Variants in PVT1 observed in about 807,000 individuals in gnomAD.
The protein encoded by PVT1 is CXCR4/PVT1 fusion.
intron 4 of PVT1, among the ~76,000 whole-genome samples, chr8:128,030,192 A>G (rs1245106608): frequency 6.6e-6 from 1 of 152,188 alleles, no homozygotes; most frequent in Admixed American, 6.5e-5. Flanking sequence ...ATGTATGCAT[A>G]CCCCTACACA....
intron 2 of PVT1, among the ~76,000 whole-genome samples, chr8:127,823,104 A>G (rs1281499351): frequency 6.6e-6 from 1 of 152,226 alleles, no homozygotes. Flanking sequence ...AAGTCTTTAT[A>G]TTGAAAGTGG....
chr8:127,949,581 T>C (rs1033140175), intron 3 of PVT1, among the ~76,000 whole-genome samples: 1 of 151,856 alleles, frequency 6.6e-6, no homozygotes, highest in African/African-American at 2.4e-5. Flanking sequence ...TAATTGACTT[T>C]GGCTCCTGTC....
chr8:127,829,020 G>A (rs959932236), intron 2 of PVT1, among the ~76,000 whole-genome samples: 26 of 152,128 alleles, frequency 1.7e-4, no homozygotes, highest in Admixed American at 2.6e-4. Flanking sequence ...TGAGCCTGGC[G>A]CGGTGGCTCA....
chr8:127,847,956 T>C lies in PVT1; in HGVS notation n.373-42633T>C, dbSNP rs57119442. ...TTTCACTCTGTGGCCCAGGCTGGAG[T>C]GCAGTGGTGTGATCATAGCTTGCTG... On this transcript the variant is annotated intron_variant and non_coding_transcript_variant, in intron 2 of 10. Transcript: ENST00000651587. Among the ~76,000 whole-genome samples, 1,067 of 151,980 alleles carry C rather than the reference T, an allele frequency of 7.0e-3. 13 individuals are homozygous for C. Among genetic ancestry groups the C allele is most frequent in the African/African-American group, 0.025 (1,017 of 41,428 alleles).
chr8:127,999,185 A>G (rs1285828527), intron 4 of PVT1: 1 of 152,156 alleles, frequency 6.6e-6, no homozygotes, highest in African/African-American at 2.4e-5. Flanking sequence ...CCCCAGGGTG[A>G]GGCTTATCCA....
At chr8:127,910,874 C>T (rs2129844736) in intron 3 of PVT1, among the ~76,000 whole-genome samples, 1 of 148,370 alleles carries the variant, frequency 6.7e-6, no homozygotes, top group South Asian at 2.1e-4. Flanking sequence ...TTATATCAGT[C>T]TGCTGTGTGT....
intron 4 of PVT1, among the ~76,000 whole-genome samples, chr8:128,028,404 T>C (rs957208401): frequency 1.3e-5 from 2 of 152,204 alleles, no homozygotes; most frequent in African/African-American, 4.8e-5. Context: ...CTGTTCTCCA[T>C]AGTGAAGCCC....
chr8:127,880,157 C>G (rs1240575082), intron 2 of PVT1, among the ~76,000 whole-genome samples: 5 of 149,924 alleles, frequency 3.3e-5, no homozygotes, highest in African/African-American at 1.0e-4. Context: ...AATCTTAGTA[C>G]AGCCTGAAAG....
At chr8:127,859,642 C>T (rs1007132669) in intron 2 of PVT1, among the ~76,000 whole-genome samples, 1 of 152,108 alleles carries the variant, frequency 6.6e-6, no homozygotes, top group African/African-American at 2.4e-5. Context: ...GGAATCCCGT[C>T]ATGGCTTCTG....
chr8:127,897,894 AG>A (rs1815705275), intron 3 of PVT1, among the ~76,000 whole-genome samples: 2 of 150,662 alleles, frequency 1.3e-5, no homozygotes, highest in Non-Finnish European at 3.0e-5. Context: ...AAAGAAAGAA[AG>A]AAAGAAAAAA....
intron 6 of PVT1, among the ~76,000 whole-genome samples, chr8:128,098,470 A>C (rs1156580869): frequency 1.3e-5 from 2 of 152,150 alleles, no homozygotes; most frequent in African/African-American, 4.8e-5. Context: ...CAGGGCTAAG[A>C]CTAAACCTCA....
intron 4 of PVT1, among the ~76,000 whole-genome samples, chr8:128,029,221 C>G (rs1034185006): frequency 2.0e-5 from 3 of 152,106 alleles, no homozygotes; most frequent in Admixed American, 6.5e-5. Flanking sequence ...TTCCCAAGCT[C>G]AAGCAATCCT....
chr8:128,079,384 C>T (rs576801944), intron 5 of PVT1, among the ~76,000 whole-genome samples: 1 of 152,262 alleles, frequency 6.6e-6, no homozygotes, highest in Admixed American at 6.5e-5. Context: ...CCTCTTCTCC[C>T]GTCATATCCC....
intron 2 of PVT1, among the ~76,000 whole-genome samples, chr8:127,837,675 A>G (rs1814924509): frequency 6.6e-6 from 1 of 152,120 alleles, no homozygotes; most frequent in Non-Finnish European, 1.5e-5. Flanking sequence ...TTAGTTACAA[A>G]GTGACCCTAT....
intron 2 of PVT1, among the ~76,000 whole-genome samples, chr8:127,815,089 C>T (rs528364947): frequency 6.6e-5 from 10 of 152,262 alleles, no homozygotes; most frequent in African/African-American, 2.4e-4. Flanking sequence ...CCTCAGCCTC[C>T]CTAGTAGCTG....
intron 2 of PVT1, among the ~76,000 whole-genome samples, chr8:127,831,644 T>A (rs1432453889): frequency 6.6e-6 from 1 of 152,024 alleles, no homozygotes; most frequent in African/African-American, 2.4e-5. Flanking sequence ...AAAAGGTGAT[T>A]ACAAGGAGCC....
chr8:127,940,366 A>AGACTGCAGAGCAG (rs1289609582), intron 3 of PVT1: 2 of 152,106 alleles, frequency 1.3e-5, no homozygotes, highest in African/African-American at 4.8e-5. Context: ...TTCTTCCATG[A>AGACTGCAGAGCAG]GACTGCAGAG....
intron 5 of PVT1, among the ~76,000 whole-genome samples, chr8:128,091,082 C>T (rs374436205): frequency 1.1e-4 from 17 of 152,300 alleles, no homozygotes; most frequent in East Asian, 9.7e-4. Flanking sequence ...TCTGAGCACA[C>T]GTGCCTAGCA....
chr8:127,862,331 C>G (rs1047821197), intron 2 of PVT1, among the ~76,000 whole-genome samples: 1 of 151,936 alleles, frequency 6.6e-6, no homozygotes, highest in Non-Finnish European at 1.5e-5. Context: ...TTGCTTGAAC[C>G]CAGGAGGCAG....
Sources: allele counts gnomAD v4.1 joint callset (sites outside exome capture counted in the v4.1 genomes callset), GRCh38; gene constraint gnomAD v4.1.1; transcripts MANE v1.5; gene names NCBI Gene and HGNC (gene_info 2026-07-23, HGNC 2026-07-21).